Variants in STK32B observed in about 807,000 individuals in gnomAD.
The protein encoded by STK32B is serine/threonine kinase 32B.
A neutral mutation model predicts 52.6 loss-of-function variants in STK32B; 43 were observed. The ratio of observed to expected loss-of-function variants is 0.82; its 90% CI spans 0.64 to 1.05. The LOEUF (loss-of-function observed/expected upper bound fraction) is 1.05. STK32B is among the 50% of genes least tolerant of loss of function. The pLI is 0.00. For synonymous variants in STK32B, 238 were observed against 204.3 expected (o/e 1.17, Z -1.41); for missense variants, 621 against 534.6 (o/e 1.16, Z -1.59).
chr4:5,291,761 T>C (rs1242481122), intron 3 of STK32B, among the ~76,000 whole-genome samples: 1 of 152,158 alleles, frequency 6.6e-6, no homozygotes, highest in African/African-American at 2.4e-5. Flanking sequence ...CTTTCTCTAT[T>C]AAGTCTGATG....
At chr4:5,136,929 G>A (rs1051492197) in intron 1 of STK32B, among the ~76,000 whole-genome samples, 3 of 152,174 alleles carry the variant, frequency 2.0e-5, no homozygotes, top group Non-Finnish European at 4.4e-5. Flanking sequence ...CATTCATTAA[G>A]TGCCTTTTTG....
chr4:5,421,672 G>A (rs1051252698), intron 6 of STK32B, among the ~76,000 whole-genome samples: 4 of 152,222 alleles, frequency 2.6e-5, no homozygotes, highest in African/African-American at 9.6e-5. Flanking sequence ...CCCAGTCCAG[G>A]TTCTTGGTCT....
upstream of STK32B, among the ~76,000 whole-genome samples, chr4:5,050,025 A>G (rs896028137): frequency 6.6e-6 from 1 of 152,212 alleles, no homozygotes; most frequent in South Asian, 2.1e-4. Flanking sequence ...AATGAGGGGC[A>G]AAGCAGAATG....
At chr4:5,262,077 T>TC (rs1726747123) in intron 3 of STK32B, among the ~76,000 whole-genome samples, 1 of 152,100 alleles carries the variant, frequency 6.6e-6, no homozygotes, top group Non-Finnish European at 1.5e-5. Context: ...CCTCCCTCCT[T>TC]CCCCTCATCT....
chr4:5,163,538 CTGTGTGTGTGTGTGTG>C (rs3077842), intron 2 of STK32B, among the ~76,000 whole-genome samples: 1,585 of 139,438 alleles, frequency 0.011, 24 homozygotes, highest in African/African-American at 0.037. Context: ...AGAGTGAAGG[CTGTGTGTGTGTGTGTG>C]TGTGTGTGTG....
At chr4:5,442,852 CT>C in intron 6 of STK32B, among the ~76,000 whole-genome samples, 1 of 152,162 alleles carries the variant, frequency 6.6e-6, no homozygotes, top group Non-Finnish European at 1.5e-5. Context: ...TTTATTTCTC[CT>C]TCACTGATGA....
At chr4:5,356,510 G>C (rs1244431393) in intron 4 of STK32B, among the ~76,000 whole-genome samples, 1 of 152,146 alleles carries the variant, frequency 6.6e-6, no homozygotes, top group Non-Finnish European at 1.5e-5. Flanking sequence ...GAAGATTCCC[G>C]AGTGCCCCAG....
rs1553879907 is a variant in STK32B, at chr4:5,370,984, A to ATATGTGTGTGTGTGTGTG, written c.435-27222_435-27221insATGTGTGTGTGTGTGTGT. Among the ~76,000 whole-genome samples, 158 of 145,334 alleles carry ATATGTGTGTGTGTGTGTG rather than the reference A, an allele frequency of 1.1e-3. 3 individuals are homozygous for ATATGTGTGTGTGTGTGTG. The East Asian group carries it at 0.028, about 26-fold the overall frequency. On this transcript the variant is annotated intron_variant, in intron 4 of 11. Coordinates refer to ENST00000282908, the MANE Select transcript of STK32B (RefSeq NM_018401.3). The stretch of plus-strand genomic sequence containing the variant: ...CAAGACACTATCTAAATATATATAT[A>ATATGTGTGTGTGTGTGTG]TGTGTGTGTGTGTATATATATATAT...
chr4:5,157,683 A>G (rs1322132778), intron 2 of STK32B, among the ~76,000 whole-genome samples: 1 of 152,230 alleles, frequency 6.6e-6, no homozygotes, highest in Non-Finnish European at 1.5e-5. Flanking sequence ...TGTGTCTGCC[A>G]CAAGCGAGGA....
intron 4 of STK32B, among the ~76,000 whole-genome samples, chr4:5,368,629 G>T (rs1735028338): frequency 6.6e-6 from 1 of 152,316 alleles, no homozygotes; most frequent in East Asian, 1.9e-4. Flanking sequence ...AGCCTTGGTG[G>T]TCGATGGCCT....
At chr4:5,297,111 C>G (rs1729251743) in intron 3 of STK32B, among the ~76,000 whole-genome samples, 1 of 152,192 alleles carries the variant, frequency 6.6e-6, no homozygotes, top group Non-Finnish European at 1.5e-5. Context: ...TGGCCCCACT[C>G]TCGTCTGTCT....
chr4:5,267,223 A>C (rs1194166023), intron 3 of STK32B, among the ~76,000 whole-genome samples: 1 of 152,204 alleles, frequency 6.6e-6, no homozygotes, highest in Non-Finnish European at 1.5e-5. Flanking sequence ...ATTCAATGCA[A>C]AGAACTGTCC....
chr4:5,141,171 G>A (rs914595454), intron 2 of STK32B, among the ~76,000 whole-genome samples: 2 of 152,190 alleles, frequency 1.3e-5, no homozygotes, highest in Admixed American at 6.5e-5. Context: ...CAGTAGCCAC[G>A]TGTAGCCAGT....
chr4:5,396,565 C>T lies in STK32B; in HGVS notation c.435-1642C>T, dbSNP rs1222474875. 6.6e-6 allele frequency among the ~76,000 whole-genome samples: 1 copy of T among 152,170 alleles called. No homozygotes were observed. The highest frequency in any genetic ancestry group is 1.5e-5 in the Non-Finnish European group (1 of 68,030). The stretch of plus-strand genomic sequence containing the variant: ...GTCTGTCACCCCACCCTCACCTCAC[C>T]TGTGTCCTGACTCTAACTCTATCTT... On this transcript the variant is annotated intron_variant, in intron 4 of 11. Coordinates refer to ENST00000282908, the MANE Select transcript of STK32B (RefSeq NM_018401.3). This position sits in a 1 kb window ranked among gnomAD's most constrained non-coding sequence, Gnocchi z 4.7.
chr4:5,175,927 C>A (rs1416839762), intron 3 of STK32B, among the ~76,000 whole-genome samples: 1 of 152,250 alleles, frequency 6.6e-6, no homozygotes, highest in Non-Finnish European at 1.5e-5. Flanking sequence ...AGGCAGGCCT[C>A]CTTGAGCTGT....
intron 3 of STK32B, among the ~76,000 whole-genome samples, chr4:5,327,856 C>G (rs1306967155): frequency 6.6e-6 from 1 of 152,202 alleles, no homozygotes; most frequent in Non-Finnish European, 1.5e-5. Context: ...TAAATGACAT[C>G]TACTTCCAAT....
At chr4:5,169,508 G>C (rs1182361289) in intron 3 of STK32B, among the ~76,000 whole-genome samples, 1 of 152,064 alleles carries the variant, frequency 6.6e-6, no homozygotes, top group Non-Finnish European at 1.5e-5. Context: ...GAAGCACTTT[G>C]AACATTGGAT....
intron 6 of STK32B, chr4:5,435,863 A>G (rs1175576035): frequency 6.6e-6 from 1 of 152,354 alleles, no homozygotes; most frequent in Non-Finnish European, 1.5e-5. Flanking sequence ...GGAGATGGTA[A>G]GGAAGTGATA....
chr4:5,495,177 A>C (rs1720110220), intron 11 of STK32B, among the ~76,000 whole-genome samples: 1 of 152,186 alleles, frequency 6.6e-6, no homozygotes, highest in African/African-American at 2.4e-5. Flanking sequence ...GTGTTTTCCA[A>C]CTTGGTTCCG....
Sources: gnomAD v4.1 joint callset for allele counts (sites outside exome capture counted in the v4.1 genomes callset) on GRCh38, gnomAD v4.1.1 for gene constraint, Gnocchi (gnomAD v3.1) non-coding constraint, MANE v1.5 for transcripts, NCBI Gene and HGNC (gene_info 2026-07-23, HGNC 2026-07-21) for gene names.